SEMA6D: variants seen among roughly 807,000 people sequenced by gnomAD.
SEMA6D encodes semaphorin 6D.
SEMA6D carries 35 observed loss-of-function variants against 106.6 expected under a neutral mutation model. The observed-to-expected ratio is 0.33, with a 90% CI of 0.25 to 0.44. The LOEUF (loss-of-function observed/expected upper bound fraction) is 0.44, where lower values mean the gene tolerates loss of function less well. Among genes scored for constraint, SEMA6D ranks in the 20% least tolerant of loss-of-function variants. SEMA6D has a pLI of 1.00. For missense variants in SEMA6D, 1,185 were observed against 1,345.9 expected (o/e 0.88, Z 1.87); for synonymous variants, 499 against 487.7 (o/e 1.02, Z -0.31).
intron 3 of SEMA6D, among the ~76,000 whole-genome samples, chr15:47,474,378 G>GT (rs371935262): frequency 8.6e-5 from 13 of 151,908 alleles, no homozygotes; most frequent in African/African-American, 2.9e-4. Context: ...CTCAATATTT[G>GT]TTTTTTTTCT....
chr15:47,265,429 A>G (rs1375613958), intron 1 of SEMA6D, among the ~76,000 whole-genome samples: 1 of 151,828 alleles, frequency 6.6e-6, no homozygotes, highest in Non-Finnish European at 1.5e-5. Flanking sequence ...GGCCAATGTG[A>G]TTTTTAAAAA....
chr15:47,573,551 T>C (rs979082377), intron 3 of SEMA6D, among the ~76,000 whole-genome samples: 1 of 152,238 alleles, frequency 6.6e-6, no homozygotes, highest in African/African-American at 2.4e-5. Flanking sequence ...GTTCATTCCC[T>C]CTGCCACCCT....
chr15:47,697,911 C>A (rs2078733141), intron 4 of SEMA6D, among the ~76,000 whole-genome samples: 2 of 152,224 alleles, frequency 1.3e-5, no homozygotes. Flanking sequence ...ACTTAGATTC[C>A]ATTCCAACCC....
At chr15:47,623,685 T>A (rs1285490076) in intron 4 of SEMA6D, among the ~76,000 whole-genome samples, 1 of 152,188 alleles carries the variant, frequency 6.6e-6, no homozygotes, top group Non-Finnish European at 1.5e-5. Context: ...GGATGTTATG[T>A]ATCTTCTTTC....
chr15:47,645,615 C>T (rs1434805184), intron 4 of SEMA6D, among the ~76,000 whole-genome samples: 1 of 151,998 alleles, frequency 6.6e-6, no homozygotes, highest in African/African-American at 2.4e-5. Context: ...CAGCGGACAC[C>T]AGCTGGATGT....
intron 1 of SEMA6D, among the ~76,000 whole-genome samples, chr15:47,368,157 A>G (rs1177353052): frequency 6.6e-6 from 1 of 152,218 alleles, no homozygotes; most frequent in Non-Finnish European, 1.5e-5. Context: ...TCTCTAAGAC[A>G]TGAAATACCA....
At chr15:47,274,942 T>A (rs1295461645) in intron 1 of SEMA6D, 3 of 152,346 alleles carry the variant, frequency 2.0e-5, no homozygotes, top group Admixed American at 2.0e-4. Flanking sequence ...AACCTATGGA[T>A]GTGTTCTACC....
At chr15:47,250,536 G>A (rs1277839678) in intron 1 of SEMA6D, among the ~76,000 whole-genome samples, 2 of 148,788 alleles carry the variant, frequency 1.3e-5, no homozygotes, top group Non-Finnish European at 2.9e-5. Context: ...GCTCTATTAT[G>A]TATATTTGTT....
intron 1 of SEMA6D, among the ~76,000 whole-genome samples, chr15:47,211,696 T>G (rs1034089548): frequency 9.2e-5 from 14 of 152,098 alleles, no homozygotes; most frequent in African/African-American, 3.4e-4. Flanking sequence ...AGGAAAACAT[T>G]TGGCCAAATT....
chr15:47,547,964 A>G (rs2045573805), intron 3 of SEMA6D, among the ~76,000 whole-genome samples: 1 of 152,130 alleles, frequency 6.6e-6, no homozygotes, highest in South Asian at 2.1e-4. Flanking sequence ...CCCACCTCTA[A>G]AATGAAAACA....
chr15:47,623,300 C>T (rs967881848), intron 4 of SEMA6D, among the ~76,000 whole-genome samples: 3 of 152,156 alleles, frequency 2.0e-5, no homozygotes, highest in African/African-American at 7.2e-5. Flanking sequence ...ATACTGATCA[C>T]CACACAACAG....
chr15:47,597,373 G>A (rs373774347), intron 3 of SEMA6D, among the ~76,000 whole-genome samples: 41 of 152,142 alleles, frequency 2.7e-4, no homozygotes, highest in African/African-American at 9.9e-4. Context: ...TGGGTAGGTA[G>A]TCTAGGACTT....
At chr15:47,246,661 C>T (rs977403863) in intron 1 of SEMA6D, among the ~76,000 whole-genome samples, 1 of 152,142 alleles carries the variant, frequency 6.6e-6, no homozygotes, top group Non-Finnish European at 1.5e-5. Flanking sequence ...TTTCTCTGAC[C>T]ACAGCTGGGA....
At chr15:47,284,979 T>C (rs948498526) in intron 1 of SEMA6D, among the ~76,000 whole-genome samples, 3 of 152,228 alleles carry the variant, frequency 2.0e-5, no homozygotes, top group Admixed American at 2.0e-4. Flanking sequence ...ACGTCAGCTC[T>C]GCCTCAGGGA....
chr15:47,681,970 C>T (rs918237190), intron 4 of SEMA6D, among the ~76,000 whole-genome samples: 1 of 152,064 alleles, frequency 6.6e-6, no homozygotes, highest in Non-Finnish European at 1.5e-5. Context: ...GTTCAATGGT[C>T]TAGTTGTTTC....
At chr15:47,643,515 T>G (rs1021811910) in intron 4 of SEMA6D, among the ~76,000 whole-genome samples, 1 of 152,232 alleles carries the variant, frequency 6.6e-6, no homozygotes. Flanking sequence ...TTTAGTAAAA[T>G]GCAGATTCTG....
chr15:47,760,278 A>T, intron 2 of SEMA6D, 26 bp from the exon 3 acceptor site: 1 of 1,520,554 alleles, frequency 6.6e-7, no homozygotes, highest in Non-Finnish European at 9.1e-7. Flanking sequence ...ATCCTGAATG[A>T]TGGTTTAGCC....
At chr15:47,627,039 G>A (rs559074030) in intron 4 of SEMA6D, among the ~76,000 whole-genome samples, 1 of 152,258 alleles carries the variant, frequency 6.6e-6, no homozygotes, top group African/African-American at 2.4e-5. Context: ...GTGAGCAAGA[G>A]AGAATGTGAC....
chr15:47,324,302 T>C (rs1047913147), intron 1 of SEMA6D, among the ~76,000 whole-genome samples: 5 of 152,198 alleles, frequency 3.3e-5, no homozygotes, highest in Non-Finnish European at 7.4e-5. Flanking sequence ...CCTACAAATA[T>C]ATAAAAATTG....
Sources: allele counts gnomAD v4.1 joint callset (sites outside exome capture counted in the v4.1 genomes callset), GRCh38; gene constraint gnomAD v4.1.1; transcripts MANE v1.5; gene names NCBI Gene and HGNC (gene_info 2026-07-23, HGNC 2026-07-21).